The following GLRB variants were observed in gnomAD, a reference collection of about 807,000 sequenced individuals.
The protein encoded by GLRB is glycine receptor beta.
A neutral mutation model predicts 54.2 loss-of-function variants in GLRB; 33 were observed. The observed-to-expected ratio is 0.61, with a 90% CI of 0.46 to 0.81. The LOEUF (loss-of-function observed/expected upper bound fraction) is 0.81. Ranked by LOEUF, GLRB falls within the 40% of genes least tolerant of loss-of-function variation. GLRB has a pLI of 0.00. For missense variants in GLRB, 572 were observed against 584.6 expected, an observed-to-expected ratio of 0.98 and a Z score of 0.22; for synonymous variants, 209 against 208.2, an observed-to-expected ratio of 1.00 and a Z score of -0.03.
chr4:157,109,566 T>A (rs572124204), intron 2 of GLRB, among the ~76,000 whole-genome samples: 2 of 152,110 alleles, frequency 1.3e-5, no homozygotes, highest in South Asian at 4.1e-4. Context: ...GTTTGTCCTA[T>A]AATTTATTTT....
At chr4:157,148,842 C>A (rs980528135) in intron 8 of GLRB, among the ~76,000 whole-genome samples, 2 of 151,936 alleles carry the variant, frequency 1.3e-5, no homozygotes, top group East Asian at 3.9e-4. Flanking sequence ...GTATCATTAC[C>A]GTCAAGTTGG....
At chr4:157,077,578 A>T (rs1734083386) in intron 1 of GLRB, among the ~76,000 whole-genome samples, 1 of 152,196 alleles carries the variant, frequency 6.6e-6, no homozygotes, top group South Asian at 2.1e-4. Flanking sequence ...AAAAAGAAAA[A>T]GATACTTCCA....
At chr4:157,111,468 G>T (rs1323204150) in intron 2 of GLRB, among the ~76,000 whole-genome samples, 1 of 151,952 alleles carries the variant, frequency 6.6e-6, no homozygotes, top group African/African-American at 2.4e-5. Context: ...AGAGGAAGAA[G>T]CTGTAAGCTG....
chr4:157,169,824 T>C (rs1218306013), intron 9 of GLRB, among the ~76,000 whole-genome samples: 1 of 152,112 alleles, frequency 6.6e-6, no homozygotes, highest in Non-Finnish European at 1.5e-5. Context: ...TTCCTTTGTA[T>C]TGTCTGAGCG....
intron 2 of GLRB, among the ~76,000 whole-genome samples, chr4:157,098,479 G>A (rs144976823): frequency 6.6e-6 from 1 of 152,212 alleles, no homozygotes; most frequent in African/African-American, 2.4e-5. Context: ...GCTGGGGAGT[G>A]GGATGAGCAG....
rs1399620502 is a variant in GLRB, at chr4:157,120,547, CTCTT to C, written c.123-8_123-5del. The stretch of plus-strand genomic sequence containing the variant: ...TAACTACTTATCAGGATTTTTCTCT[CTCTT>C]ATAGTCAGCAGTCAGCAGAGGACCT... On this transcript the variant is annotated splice_region_variant and splice_polypyrimidine_tract_variant and intron_variant, in intron 2 of 9. Transcript: ENST00000264428. 2.0e-6 allele frequency: 3 copies of C among 1,478,540 alleles called. No homozygotes were observed. Among genetic ancestry groups the C allele is most frequent in the African/African-American group, 2.8e-5 (2 of 71,896 alleles). 91.6% of individuals were successfully genotyped at this position (1,478,540 alleles called of 1,614,324 possible).
intron 9 of GLRB, among the ~76,000 whole-genome samples, chr4:157,154,113 GC>G (rs1369610754): frequency 3.3e-5 from 5 of 152,144 alleles, no homozygotes; most frequent in Non-Finnish European, 7.3e-5. Context: ...ACTCTTTTCT[GC>G]CTTTCATGAA....
Position 157,152,877 on chromosome 4 carries a change from A to G in GLRB, c.1064A>G (p.Asn355Ser). Reference sequence around the variant, plus strand: ...TATGCAGTTGTCCAGGTGATGCTGAACAACCCCAAAAGGGTTGAAGCTGAA... The same window carrying G: ...TATGCAGTTGTCCAGGTGATGCTGAGCAACCCCAAAAGGGTTGAAGCTGAA... Reference protein sequence around the residue: ...VEYAVVQVMLNNPKRVEAEKA... With the variant: ...VEYAVVQVMLSNPKRVEAEKA... Residue 355 changes from asparagine (N) to serine (S), a missense_variant, in exon 9 of 10, where the codon AAC (asparagine) becomes AGC (serine). Coordinates refer to ENST00000264428, the MANE Select transcript of GLRB (RefSeq NM_000824.5). 3 of 1,614,084 alleles carry G rather than the reference A, an allele frequency of 1.9e-6. No individual in the cohort carries two copies. Among genetic ancestry groups the G allele is most frequent in the Non-Finnish European group, 2.5e-6 (3 of 1,179,998 alleles).
chr4:157,141,951 G>C (rs11933548), intron 7 of GLRB, among the ~76,000 whole-genome samples: 1 of 151,930 alleles, frequency 6.6e-6, no homozygotes, highest in African/African-American at 2.4e-5. Context: ...GTAGTAAATC[G>C]TTATAATATT....
chr4:157,098,290 A>G (rs943562650), intron 2 of GLRB, among the ~76,000 whole-genome samples: 1 of 152,132 alleles, frequency 6.6e-6, no homozygotes, highest in African/African-American at 2.4e-5. Flanking sequence ...AATATATTAT[A>G]CTATATTTAT....
chr4:157,102,870 A>G (rs1560943285), intron 2 of GLRB, among the ~76,000 whole-genome samples: 1 of 152,188 alleles, frequency 6.6e-6, no homozygotes, highest in Non-Finnish European at 1.5e-5. Flanking sequence ...TCTCTATGTC[A>G]AAAGGTGAAG....
intron 2 of GLRB, among the ~76,000 whole-genome samples, chr4:157,092,323 G>C (rs1734649225): frequency 6.6e-6 from 1 of 152,140 alleles, no homozygotes; most frequent in African/African-American, 2.4e-5. Flanking sequence ...CTGTAAAACA[G>C]AAATAAGAAT....
chr4:157,094,675 G>C (rs1734739999), intron 2 of GLRB, among the ~76,000 whole-genome samples: 1 of 152,130 alleles, frequency 6.6e-6, no homozygotes, highest in South Asian at 2.1e-4. Context: ...AATCATGATG[G>C]TATACCAATA....
At chr4:157,144,160 T>A (rs536241327) in intron 8 of GLRB, among the ~76,000 whole-genome samples, 1 of 152,216 alleles carries the variant, frequency 6.6e-6, no homozygotes, top group African/African-American at 2.4e-5. Flanking sequence ...AAGTTTCTCT[T>A]TTCATGTCCT....
chr4:157,170,972 A>T lies in GLRB; in HGVS notation c.*244A>T, dbSNP rs1347040243. On this transcript the variant is annotated 3_prime_UTR_variant, in exon 10 of 10. Coordinates refer to ENST00000264428, the MANE Select transcript of GLRB (RefSeq NM_000824.5). ...GCTTAGTAACAAATGAAGGACAAGCATACTACATAATATAATCCATACAAT... is the reference window on the plus strand; with the variant it reads ...GCTTAGTAACAAATGAAGGACAAGCTTACTACATAATATAATCCATACAAT... 2.8e-6 allele frequency: 1 copy of T among 352,060 alleles called. No individual in the cohort carries two copies. Among genetic ancestry groups the T allele is most frequent in the Non-Finnish European group, 5.2e-6 (1 of 193,880 alleles). The allele number at this position is 352,060 out of a possible 1,614,324, so 21.8% of individuals were successfully genotyped here.
chr4:157,104,640 T>C (rs1307438720), intron 2 of GLRB, among the ~76,000 whole-genome samples: 1 of 152,060 alleles, frequency 6.6e-6, no homozygotes, highest in Non-Finnish European at 1.5e-5. Context: ...CTGGCTTTTA[T>C]TCTTTAAATA....
intron 9 of GLRB, among the ~76,000 whole-genome samples, chr4:157,156,377 A>T (rs946194479): frequency 2.0e-5 from 3 of 152,104 alleles, no homozygotes; most frequent in African/African-American, 7.2e-5. Flanking sequence ...TGATTTTGTA[A>T]CTTTTGTACA....
chr4:157,089,758 A>G (rs1364205978), intron 2 of GLRB, among the ~76,000 whole-genome samples: 1 of 152,108 alleles, frequency 6.6e-6, no homozygotes, highest in Admixed American at 6.5e-5. Flanking sequence ...CTTTATCTCT[A>G]TATGTAACTT....
chr4:157,094,515 A>C (rs2126461728), intron 2 of GLRB, among the ~76,000 whole-genome samples: 1 of 152,356 alleles, frequency 6.6e-6, no homozygotes, highest in Non-Finnish European at 1.5e-5. Flanking sequence ...TGTTGAGAAT[A>C]TACAAATAAC....
Sources: allele counts gnomAD v4.1 joint callset (sites outside exome capture counted in the v4.1 genomes callset), GRCh38; gene constraint gnomAD v4.1.1; transcripts MANE v1.5; gene names NCBI Gene and HGNC (gene_info 2026-07-23, HGNC 2026-07-21).